ZNF865: variants seen among roughly 807,000 people sequenced by gnomAD.
ZNF865 encodes the protein zinc finger protein 865.
For synonymous variants in ZNF865, 763 were observed against 750.8 expected (o/e 1.02, Z -0.27); for missense variants, 1,311 against 1,593.4 (o/e 0.82, Z 3.02).
chr19:55,615,896 G>A lies in ZNF865; in HGVS notation c.2278G>A (p.Ala760Thr). ...DNGLAGEVGA[A>T]VAALAGVSGG... ...CGGGCTGGCGGGGGAGGTGGGGGCGGCCGTGGCGGCACTGGCAGGGGTGTC... is the reference window on the plus strand; with the variant it reads ...CGGGCTGGCGGGGGAGGTGGGGGCGACCGTGGCGGCACTGGCAGGGGTGTC... The change falls in exon 2 of 2, where the codon GCC becomes ACC. Residue 760 changes from alanine to threonine, a missense_variant. Transcript: ENST00000568956. 6.8e-7 allele frequency: 1 copy of A among 1,473,844 alleles called. No individual in the cohort carries two copies. The highest frequency in any genetic ancestry group is 8.9e-7 in the Non-Finnish European group (1 of 1,120,030). The allele number at this position is 1,473,844 out of a possible 1,614,324, so 91.3% of individuals were successfully genotyped here.
At position 55,616,702 on chromosome 19, in the gene ZNF865, C is replaced by G; in HGVS notation, c.3084C>G (p.Asn1028Lys). Residue 1028 changes from asparagine to lysine, a missense_variant, in exon 2 of 2, where the codon AAC becomes AAG. Coordinates refer to ENST00000568956, the MANE Select transcript of ZNF865 (RefSeq NM_001195605.2). ...CCTCCTGCGGCGAGGGCTTCGCCAA[C>G]ACCTACGGCCTCAAGAAACACCGCC... is the stretch of plus-strand genomic sequence containing the variant. ...RCSSCGEGFA[N>K]TYGLKKHRLA... The G allele has an allele frequency of 6.6e-7, 1 of 1,526,412 alleles. No homozygotes were observed. The highest frequency in any genetic ancestry group is 8.8e-7 in the Non-Finnish European group (1 of 1,142,460). The allele number at this position is 1,526,412 out of a possible 1,614,324, so 94.6% of individuals were successfully genotyped here.
Position 55,614,074 on chromosome 19 carries a change from C to T in ZNF865, c.456C>T (p.Leu152=), listed in dbSNP as rs1981245660. ...FPTPQWGIVD[L]SGHQHLFGNL... ...CTCCGCAGTGGGGCATCGTGGACCTCTCGGGGCACCAGCACTTGTTTGGGA... is the reference window on the plus strand; with the variant it reads ...CTCCGCAGTGGGGCATCGTGGACCTTTCGGGGCACCAGCACTTGTTTGGGA... The change falls in exon 2 of 2, where the codon CTC becomes CTT. Residue 152 remains leucine (L), a synonymous_variant. Transcript: ENST00000568956. The surrounding 1 kb of genome is among the most constrained non-coding windows in gnomAD (Gnocchi z 8.0). 1 of 1,449,098 alleles carries T rather than the reference C, an allele frequency of 6.9e-7. No individual in the cohort carries two copies. The highest frequency in any genetic ancestry group is 1.5e-5 in the African/African-American group (1 of 68,742). The allele number at this position is 1,449,098 out of a possible 1,614,324, so 89.8% of individuals were successfully genotyped here. A position where few individuals can be genotyped will look rare whatever the true frequency, so the allele number is the denominator to read the frequency against.
Position 55,616,615 on chromosome 19 carries a change from G to A in ZNF865, c.2997G>A (p.Lys999=), listed in dbSNP as rs1336032430. ...LRCPACLKAF[K]DPGYFRKHLA... ...GCCCCGCCTGCCTCAAGGCCTTCAA[G>A]GATCCCGGCTACTTCCGTAAGCACC... The change falls in exon 2 of 2, where the codon AAG becomes AAA. Residue 999 remains lysine (K), a synonymous_variant. Coordinates refer to ENST00000568956, the MANE Select transcript of ZNF865 (RefSeq NM_001195605.2). 6.6e-6 allele frequency: 10 copies of A among 1,526,616 alleles called. No homozygotes were observed. The African/African-American group carries it at 1.1e-4, about 17-fold the overall frequency. 94.6% of individuals were successfully genotyped at this position (1,526,616 alleles called of 1,614,324 possible). A position where few individuals can be genotyped will look rare whatever the true frequency, so the allele number is the denominator to read the frequency against.
At position 55,616,048 on chromosome 19, in the gene ZNF865, C is replaced by T. The variant is rs1333541703; in HGVS notation, c.2430C>T (p.His810=). The change falls in exon 2 of 2, where the codon CAC becomes CAT. Residue 810 remains histidine (H), a synonymous_variant. Coordinates refer to ENST00000568956, the MANE Select transcript of ZNF865 (RefSeq NM_001195605.2). ...AGCACTTCCTGGGCCTCGTGACTCA[C>T]AAGTACGTGCACCTGGTGCGACGGA... ...SFKHFLGLVT[H]KYVHLVRRTL... 10 of 1,522,956 alleles carry T rather than the reference C, an allele frequency of 6.6e-6. No individual in the cohort carries two copies. In the South Asian group the frequency reaches 1.2e-4, roughly 18 times the overall value. 94.3% of individuals were successfully genotyped at this position (1,522,956 alleles called of 1,614,324 possible). A position where few individuals can be genotyped will look rare whatever the true frequency, so the allele number is the denominator to read the frequency against.
At chr19:55,608,982 A>G (rs1275422368) in intron 1 of ZNF865, among the ~76,000 whole-genome samples, 2 of 152,116 alleles carry the variant, frequency 1.3e-5, no homozygotes, top group Admixed American at 1.3e-4. Flanking sequence ...CCTTTCTTCA[A>G]CCACTGGCCC....
At chr19:55,612,213 C>T (rs1341092728) in intron 1 of ZNF865, among the ~76,000 whole-genome samples, 1 of 152,154 alleles carries the variant, frequency 6.6e-6, no homozygotes, top group African/African-American at 2.4e-5. Flanking sequence ...AGGGGTTCCC[C>T]CATTTTAAAC....
chr19:55,608,172 G>A (rs569923623), intron 1 of ZNF865, among the ~76,000 whole-genome samples: 66 of 152,284 alleles, frequency 4.3e-4, no homozygotes, highest in Non-Finnish European at 8.1e-4. Flanking sequence ...AGGAGGTGAA[G>A]GGGTGAGCGA....
chr19:55,614,615 C>T lies in ZNF865; in HGVS notation c.997C>T (p.Pro333Ser), dbSNP rs1397330333. The T allele has an allele frequency of 1.3e-6, 2 of 1,527,952 alleles. No homozygotes were observed. Among genetic ancestry groups the T allele is most frequent in the East Asian group, 5.0e-5 (2 of 40,356 alleles). 94.6% of individuals were successfully genotyped at this position (1,527,952 alleles called of 1,614,324 possible). The change falls in exon 2 of 2, where the codon CCT (proline) becomes TCT (serine). Residue 333 changes from proline (P) to serine (S), a missense_variant. Coordinates refer to ENST00000568956, the MANE Select transcript of ZNF865 (RefSeq NM_001195605.2). This position sits in a 1 kb window ranked among gnomAD's most constrained non-coding sequence, Gnocchi z 8.0. ...PAPSADGSAA[P>S]AGVGVPPPAT... ...CCCCTCCGCAGACGGGAGCGCCGCC[C>T]CTGCTGGTGTTGGGGTGCCCCCTCC... is the stretch of plus-strand genomic sequence containing the variant.
Position 55,614,358 on chromosome 19 carries a change from C to T in ZNF865, c.740C>T (p.Ser247Leu). Residue 247 changes from serine (S) to leucine (L), a missense_variant, in exon 2 of 2, where the codon TCG (serine) becomes TTG (leucine). Coordinates refer to ENST00000568956, the MANE Select transcript of ZNF865 (RefSeq NM_001195605.2). This position sits in a 1 kb window ranked among gnomAD's most constrained non-coding sequence, Gnocchi z 8.0. ...CTGGTCCAGCACATGCTGGTGCACT[C>T]GGGGGAGAGGCCCTACGAATGCGGC... is the stretch of plus-strand genomic sequence containing the variant. The part of the protein sequence containing the change: ...SHLVQHMLVH[S>L]GERPYECGVC... 1.3e-6 allele frequency: 2 copies of T among 1,487,154 alleles called. No individual in the cohort carries two copies. Among genetic ancestry groups the T allele is most frequent in the Non-Finnish European group, 8.9e-7 (1 of 1,123,006 alleles). 92.1% of individuals were successfully genotyped at this position (1,487,154 alleles called of 1,614,324 possible).
rs1034179873 is a variant in ZNF865, at chr19:55,616,278, G to A, written c.2660G>A (p.Arg887His). The A allele has an allele frequency of 5.3e-6, 8 of 1,519,082 alleles. No individual in the cohort carries two copies. The highest frequency in any genetic ancestry group is 1.7e-4 in the Middle Eastern group (1 of 5,846). 94.1% of individuals were successfully genotyped at this position (1,519,082 alleles called of 1,614,324 possible). Residue 887 changes from arginine to histidine, a missense_variant, in exon 2 of 2, where the codon CGC becomes CAC. By Grantham distance (29) the Arg-to-His change is conservative. Transcript: ENST00000568956. ...RCGVCGRGFL[R>H]SWYLRQHRVV... The stretch of plus-strand genomic sequence containing the variant: ...GGCGTGTGCGGCCGAGGCTTCCTGC[G>A]CTCCTGGTACCTGCGGCAGCACCGC...
chr19:55,606,595 C>A (rs1415287522), intron 1 of ZNF865, among the ~76,000 whole-genome samples: 1 of 152,208 alleles, frequency 6.6e-6, no homozygotes, highest in Admixed American at 6.5e-5. Context: ...CTTCCTATGG[C>A]GTGAACAACT....
chr19:55,613,501 A>G, intron 1 of ZNF865, 92 bp from the exon 2 acceptor site: 2 of 1,207,820 alleles, frequency 1.7e-6, no homozygotes, highest in South Asian at 1.6e-5. Flanking sequence ...GGTGATCCGC[A>G]CAAGGATGGA....
intron 1 of ZNF865, among the ~76,000 whole-genome samples, chr19:55,613,382 G>C (rs892229310): frequency 6.6e-6 from 1 of 152,130 alleles, no homozygotes; most frequent in African/African-American, 2.4e-5. Context: ...CACAGAGAGG[G>C]AAGGTGAAGG....
chr19:55,615,565 G>C lies in ZNF865; in HGVS notation c.1947G>C (p.Pro649=), dbSNP rs774417869. The stretch of plus-strand genomic sequence containing the variant: ...GCCTCCCCTCCACCCAAGGCACACC[G>C]GGGGCCTGTGGGCCCGGGGCCTCGG... ...AAGLPSTQGT[P]GACGPGASGT... The change falls in exon 2 of 2, where the codon CCG becomes CCC. Residue 649 remains proline, a synonymous_variant. Transcript: ENST00000568956. 1.6e-5 allele frequency: 25 copies of C among 1,526,608 alleles called. No homozygotes were observed. The highest frequency in any genetic ancestry group is 1.9e-5 in the Non-Finnish European group (22 of 1,142,598). The allele number at this position is 1,526,608 out of a possible 1,614,324, so 94.6% of individuals were successfully genotyped here. A position where few individuals can be genotyped will look rare whatever the true frequency, so the allele number is the denominator to read the frequency against.
At chr19:55,609,376 A>G (rs1025576673) in intron 1 of ZNF865, among the ~76,000 whole-genome samples, 1 of 152,120 alleles carries the variant, frequency 6.6e-6, no homozygotes, top group Non-Finnish European at 1.5e-5. Flanking sequence ...TTTGTATTTC[A>G]GAGTCAATGC....
rs1397984726 is a variant in ZNF865, at chr19:55,615,829, G to A, written c.2211G>A (p.Pro737=). ...CCGCACCCGGCGGCCTGCAGCCCCCGGACGGCTCCAGCGGCACGGATGCGG... is the reference window on the plus strand; with the variant it reads ...CCGCACCCGGCGGCCTGCAGCCCCCAGACGGCTCCAGCGGCACGGATGCGG... ...LPPAPGGLQP[P]DGSSGTDAAS... Residue 737 remains proline (P), a synonymous_variant, in exon 2 of 2, where the codon CCG becomes CCA. Coordinates refer to ENST00000568956, the MANE Select transcript of ZNF865 (RefSeq NM_001195605.2). 4.6e-6 allele frequency: 7 copies of A among 1,507,938 alleles called. No homozygotes were observed. The highest frequency in any genetic ancestry group is 1.2e-5 in the South Asian group (1 of 80,632). 93.4% of individuals were successfully genotyped at this position (1,507,938 alleles called of 1,614,324 possible).
In ZNF865 at chr19:55,614,974, T is replaced by C. The variant is rs1900258650; in HGVS notation, c.1356T>C (p.Ala452=). The change falls in exon 2 of 2, where the codon GCT becomes GCC. Residue 452 remains alanine (A), a synonymous_variant. Transcript: ENST00000568956. This position sits in a 1 kb window ranked among gnomAD's most constrained non-coding sequence, Gnocchi z 8.0. ...PCDLCGKSYS[A]PQSLLRHKAA... Reference sequence around the variant, plus strand: ...ACCTGTGCGGCAAGTCCTACTCGGCTCCGCAGAGCCTGCTCCGCCACAAGG... The same window carrying C: ...ACCTGTGCGGCAAGTCCTACTCGGCCCCGCAGAGCCTGCTCCGCCACAAGG... The C allele has an allele frequency of 3.8e-5, 55 of 1,432,208 alleles. No individual in the cohort carries two copies. Among genetic ancestry groups the C allele is most frequent in the Non-Finnish European group, 4.8e-5 (53 of 1,100,936 alleles). 88.7% of individuals were successfully genotyped at this position (1,432,208 alleles called of 1,614,324 possible).
At position 55,613,888 on chromosome 19, in the gene ZNF865, G is replaced by T. The variant is rs1406162854; in HGVS notation, c.270G>T (p.Glu90Asp). ...AGTCCACCTTCAAGCCCAAGGCGGAGGTGCCCTCCTCGTCCTCGTCCTCGT... is the reference window on the plus strand; with the variant it reads ...AGTCCACCTTCAAGCCCAAGGCGGATGTGCCCTCCTCGTCCTCGTCCTCGT... The part of the protein sequence containing the change: ...PPQSTFKPKA[E>D]VPSSSSSSSS... Residue 90 changes from glutamate (E) to aspartate (D), a missense_variant, in exon 2 of 2, where the codon GAG becomes GAT. Coordinates refer to ENST00000568956, the MANE Select transcript of ZNF865 (RefSeq NM_001195605.2). 2 of 1,510,404 alleles carry T rather than the reference G, an allele frequency of 1.3e-6. No homozygotes were observed. The highest frequency in any genetic ancestry group is 1.2e-5 in the South Asian group (1 of 83,266). The allele number at this position is 1,510,404 out of a possible 1,614,324, so 93.6% of individuals were successfully genotyped here. A position where few individuals can be genotyped will look rare whatever the true frequency, so the allele number is the denominator to read the frequency against.
rs780424722 is a variant in ZNF865, at chr19:55,614,299, C to T, written c.681C>T (p.Gly227=). 5.3e-6 allele frequency: 8 copies of T among 1,509,756 alleles called. No homozygotes were observed. Among genetic ancestry groups the T allele is most frequent in the African/African-American group, 1.4e-5 (1 of 70,182 alleles). 93.5% of individuals were successfully genotyped at this position (1,509,756 alleles called of 1,614,324 possible). A position where few individuals can be genotyped will look rare whatever the true frequency, so the allele number is the denominator to read the frequency against. The change falls in exon 2 of 2, where the codon GGC becomes GGT. Residue 227 remains glycine, a synonymous_variant. Coordinates refer to ENST00000568956, the MANE Select transcript of ZNF865 (RefSeq NM_001195605.2). This position sits in a 1 kb window ranked among gnomAD's most constrained non-coding sequence, Gnocchi z 8.0. ...KYLMERRFPC[G]VCQKSFKQSS... is the part of the protein sequence containing the mutation. ...TGATGGAGCGGCGCTTCCCCTGCGG[C>T]GTGTGCCAGAAGTCCTTCAAGCAGT... is the stretch of plus-strand genomic sequence containing the variant.
Sources: allele counts gnomAD v4.1 joint callset (sites outside exome capture counted in the v4.1 genomes callset), GRCh38; gene constraint gnomAD v4.1.1; non-coding constraint Gnocchi (gnomAD v3.1); transcripts MANE v1.5; gene names NCBI Gene and HGNC (gene_info 2026-07-23, HGNC 2026-07-21).